POU6F2: variants seen among roughly 807,000 people sequenced by gnomAD.
POU6F2 encodes POU class 6 homeobox 2.
In POU6F2, 31 loss-of-function variants were observed where a neutral mutation model predicts 71.3. The ratio of observed to expected loss-of-function variants is 0.43; its 90% confidence interval spans 0.33 to 0.59. The LOEUF (loss-of-function observed/expected upper bound fraction) is 0.59, where lower values mean the gene tolerates loss of function less well. Ranked by LOEUF, POU6F2 falls within the 20% of genes least tolerant of loss-of-function variation. The pLI is 0.04. For synonymous variants in POU6F2, 347 were observed against 355.7 expected, an observed-to-expected ratio of 0.98 and a Z score of 0.27; for missense variants, 783 against 856.8, an observed-to-expected ratio of 0.91 and a Z score of 1.07.
At chr7:39,099,546 CAG>C (rs1420913135) in intron 2 of POU6F2, among the ~76,000 whole-genome samples, 1 of 152,174 alleles carries the variant, frequency 6.6e-6, no homozygotes. Flanking sequence ...CAGAAAATTT[CAG>C]AGAGAGAGAA....
chr7:39,309,910 C>A (rs1339569573), intron 4 of POU6F2, among the ~76,000 whole-genome samples: 1 of 152,182 alleles, frequency 6.6e-6, no homozygotes, highest in African/African-American at 2.4e-5. Context: ...TTTGAATGCA[C>A]AGGGCCTAAT....
At chr7:39,424,987 T>C (rs1250686456) in intron 6 of POU6F2, among the ~76,000 whole-genome samples, 1 of 152,138 alleles carries the variant, frequency 6.6e-6, no homozygotes, top group Non-Finnish European at 1.5e-5. Context: ...AGAATGATCA[T>C]TGTATCCACT....
chr7:39,062,667 C>A (rs1790680973), intron 1 of POU6F2, among the ~76,000 whole-genome samples: 1 of 146,310 alleles, frequency 6.8e-6, no homozygotes, highest in South Asian at 2.3e-4. Context: ...CAAAGCCATA[C>A]TAGATAAAAC....
At chr7:39,439,751 A>G (rs1156986348) in intron 7 of POU6F2, among the ~76,000 whole-genome samples, 1 of 152,090 alleles carries the variant, frequency 6.6e-6, no homozygotes, top group African/African-American at 2.4e-5. Context: ...AGCCTCCCAA[A>G]GTGCTGGGAT....
intron 4 of POU6F2, among the ~76,000 whole-genome samples, chr7:39,248,956 C>T (rs1783869110): frequency 1.3e-5 from 2 of 152,132 alleles, no homozygotes; most frequent in Non-Finnish European, 2.9e-5. Context: ...GGCTCACCCC[C>T]AAGGAGCTTT....
intron 1 of POU6F2, among the ~76,000 whole-genome samples, chr7:39,042,174 G>A (rs147519049): frequency 2.0e-5 from 3 of 151,986 alleles, no homozygotes; most frequent in African/African-American, 7.2e-5. Context: ...AGGAATCAGA[G>A]GAAAATGATC....
At chr7:39,414,614 G>T (rs930772461) in intron 6 of POU6F2, among the ~76,000 whole-genome samples, 2 of 152,170 alleles carry the variant, frequency 1.3e-5, no homozygotes, top group Admixed American at 6.5e-5. Flanking sequence ...GCGGACGCGC[G>T]GGACGTCAGG....
chr7:39,419,210 G>A (rs190455870), intron 6 of POU6F2, among the ~76,000 whole-genome samples: 1 of 148,618 alleles, frequency 6.7e-6, no homozygotes, highest in East Asian at 2.0e-4. Flanking sequence ...CCCACTCAGG[G>A]TGGCTGATCT....
chr7:39,337,742 G>GTA, intron 4 of POU6F2, among the ~76,000 whole-genome samples: 1 of 152,238 alleles, frequency 6.6e-6, no homozygotes, highest in Non-Finnish European at 1.5e-5. Flanking sequence ...TGCATCTGGT[G>GTA]TATACCTGAA....
chr7:39,150,684 T>A (rs567864623), intron 2 of POU6F2, among the ~76,000 whole-genome samples: 2 of 151,828 alleles, frequency 1.3e-5, no homozygotes, highest in Non-Finnish European at 2.9e-5. Context: ...GCCAGGCTGG[T>A]CTCGAACTCC....
intron 5 of POU6F2, chr7:39,405,961 C>T (rs1787417151): frequency 6.6e-6 from 1 of 152,234 alleles, no homozygotes; most frequent in Admixed American, 6.5e-5. Flanking sequence ...TTCTCATTGG[C>T]ATTGAATCCT....
rs766015633 is a variant in POU6F2, at chr7:39,464,626, C to G, written c.2103C>G (p.His701Gln). Reference protein sequence around the residue: ...LKNTIKRLKQHEPATAVPLEP... With the variant: ...LKNTIKRLKQQEPATAVPLEP... Reference sequence around the variant, plus strand: ...ACACAATTAAACGCTTAAAACAGCACGAGCCGGCCACGGCAGTCCCTTTGG... The same window carrying G: ...ACACAATTAAACGCTTAAAACAGCAGGAGCCGGCCACGGCAGTCCCTTTGG... The change falls in exon 10 of 10, where the codon CAC becomes CAG. Residue 701 changes from histidine (H) to glutamine (Q), a missense_variant. His to Gln is a conservative substitution (Grantham distance 24, BLOSUM62 0). Transcript: ENST00000518318. The surrounding 1 kb of genome is among the most constrained non-coding windows in gnomAD (Gnocchi z 4.1). 6 of 1,608,118 alleles carry G rather than the reference C, an allele frequency of 3.7e-6. No homozygotes were observed. The highest frequency in any genetic ancestry group is 5.1e-6 in the Non-Finnish European group (6 of 1,177,488).
chr7:39,039,375 G>C (rs990629300), intron 1 of POU6F2, among the ~76,000 whole-genome samples: 11 of 151,842 alleles, frequency 7.2e-5, no homozygotes, highest in Non-Finnish European at 1.6e-4. Flanking sequence ...ATTGCAATCT[G>C]ACTTTTTTTG....
At chr7:39,012,416 T>C (rs1159635707) in intron 1 of POU6F2, among the ~76,000 whole-genome samples, 1 of 149,492 alleles carries the variant, frequency 6.7e-6, no homozygotes, top group Non-Finnish European at 1.5e-5. Context: ...ATTCTAGTTA[T>C]ACATTCTTCT....
At chr7:39,424,955 C>T (rs1371672549) in intron 6 of POU6F2, among the ~76,000 whole-genome samples, 2 of 151,928 alleles carry the variant, frequency 1.3e-5, no homozygotes, top group South Asian at 4.2e-4. Context: ...CCAAAGGACC[C>T]GAGAAATATT....
chr7:39,367,196 ATT>A (rs1786518531), intron 5 of POU6F2, among the ~76,000 whole-genome samples: 3 of 152,150 alleles, frequency 2.0e-5, no homozygotes, highest in Non-Finnish European at 1.5e-5. Flanking sequence ...TTTGGGAATT[ATT>A]TCCTTTCCTC....
intron 2 of POU6F2, among the ~76,000 whole-genome samples, chr7:39,177,571 T>A (rs1032994930): frequency 6.6e-6 from 1 of 152,232 alleles, no homozygotes; most frequent in East Asian, 1.9e-4. Flanking sequence ...CTACATTGCC[T>A]CCTGGCTTAA....
intron 2 of POU6F2, among the ~76,000 whole-genome samples, chr7:39,098,915 C>A (rs1340266450): frequency 6.6e-6 from 1 of 152,160 alleles, no homozygotes; most frequent in East Asian, 1.9e-4. Context: ...AAAATTGTGG[C>A]CTTTGGAAGT....
chr7:39,320,347 C>T (rs1327517499), intron 4 of POU6F2, among the ~76,000 whole-genome samples: 12 of 152,104 alleles, frequency 7.9e-5, no homozygotes, highest in Non-Finnish European at 1.5e-4. Flanking sequence ...CCTGGTCCCC[C>T]GCAGATGCTG....
Sources: gnomAD v4.1 joint callset for allele counts (sites outside exome capture counted in the v4.1 genomes callset) on GRCh38, gnomAD v4.1.1 for gene constraint, Gnocchi (gnomAD v3.1) non-coding constraint, MANE v1.5 for transcripts, NCBI Gene and HGNC (gene_info 2026-07-23, HGNC 2026-07-21) for gene names.